CNTNAP2: variants seen among roughly 807,000 people sequenced by gnomAD.
The protein encoded by CNTNAP2 is contactin-associated protein-like 2.
A neutral mutation model predicts 155.2 loss-of-function variants in CNTNAP2; 98 were observed. That is an observed-to-expected ratio of 0.63 (90% CI 0.54 to 0.75). The LOEUF is 0.75. CNTNAP2 is among the 30% of genes least tolerant of loss of function. The probability of loss-of-function intolerance (pLI) is 0.00; values close to 1 mark genes in which losing one functional copy is unlikely to be tolerated. For missense variants in CNTNAP2, 1,727 were observed against 1,688.1 expected, an observed-to-expected ratio of 1.02 and a Z score of -0.40; for synonymous variants, 651 against 631.2, an observed-to-expected ratio of 1.03 and a Z score of -0.47.
intron 13 of CNTNAP2, among the ~76,000 whole-genome samples, chr7:147,754,907 C>T (rs1467722406): frequency 4.6e-5 from 7 of 152,074 alleles, no homozygotes; most frequent in Middle Eastern, 3.4e-3. Context: ...TAGAAATTTT[C>T]GTAATAAAAA....
chr7:146,757,450 C>T (rs146656791), intron 1 of CNTNAP2, among the ~76,000 whole-genome samples: 319 of 152,192 alleles, frequency 2.1e-3, no homozygotes, highest in African/African-American at 7.1e-3. Context: ...ATTAAGTAAG[C>T]ACTTTTTTGA....
At chr7:147,910,845 A>G (rs1800051944) in intron 14 of CNTNAP2, among the ~76,000 whole-genome samples, 1 of 152,158 alleles carries the variant, frequency 6.6e-6, no homozygotes, top group African/African-American at 2.4e-5. Context: ...TCTGGGTGAG[A>G]TTTGGGTGGG....
chr7:147,998,826 GGGGA>G (rs1290715908), intron 15 of CNTNAP2, among the ~76,000 whole-genome samples: 1 of 152,138 alleles, frequency 6.6e-6, no homozygotes, highest in Non-Finnish European at 1.5e-5. Flanking sequence ...TGTAGACAGT[GGGGA>G]GTTTGTTAGC....
At chr7:148,155,894 C>A (rs989534669) in intron 17 of CNTNAP2, among the ~76,000 whole-genome samples, 1 of 152,102 alleles carries the variant, frequency 6.6e-6, no homozygotes, top group Non-Finnish European at 1.5e-5. Flanking sequence ...TGGAAAGGTG[C>A]GGTGACACTG....
intron 15 of CNTNAP2, chr7:148,014,012 G>A (rs181509482): frequency 2.0e-5 from 3 of 152,176 alleles, no homozygotes; most frequent in Admixed American, 2.0e-4. Flanking sequence ...TAATAATGCA[G>A]CATTCCCAAA....
At chr7:147,471,770 C>T (rs1402579644) in intron 10 of CNTNAP2, among the ~76,000 whole-genome samples, 1 of 152,138 alleles carries the variant, frequency 6.6e-6, no homozygotes, top group Non-Finnish European at 1.5e-5. Context: ...GTTCCCTACT[C>T]TCATGGAAAT....
intron 1 of CNTNAP2, among the ~76,000 whole-genome samples, chr7:146,322,597 T>C (rs1345518276): frequency 1.4e-5 from 2 of 144,124 alleles, no homozygotes; most frequent in Non-Finnish European, 3.0e-5. Context: ...GGACTTTTTT[T>C]CTCCTGTGAA....
intron 9 of CNTNAP2, among the ~76,000 whole-genome samples, chr7:147,314,390 ATCTT>A (rs1795188002): frequency 6.6e-6 from 1 of 152,096 alleles, no homozygotes; most frequent in African/African-American, 2.4e-5. Flanking sequence ...TGACATCTAG[ATCTT>A]TCTATCTCAT....
At chr7:148,230,699 C>T (rs762023885) in intron 20 of CNTNAP2, among the ~76,000 whole-genome samples, 24 of 152,178 alleles carry the variant, frequency 1.6e-4, no homozygotes, top group East Asian at 3.9e-4. Flanking sequence ...ATGGAGTTTG[C>T]GCGTGGCCTT....
At chr7:146,161,059 A>G (rs1584779685) in intron 1 of CNTNAP2, among the ~76,000 whole-genome samples, 1 of 152,224 alleles carries the variant, frequency 6.6e-6, no homozygotes, top group East Asian at 1.9e-4. Flanking sequence ...TACACAAATC[A>G]ATAAACATAA....
chr7:147,424,980 G>A (rs1246017278), intron 10 of CNTNAP2, among the ~76,000 whole-genome samples: 1 of 152,042 alleles, frequency 6.6e-6, no homozygotes, highest in East Asian at 1.9e-4. Context: ...CTGTTGGATG[G>A]ACTGCTGCAA....
chr7:148,018,175 C>T (rs1349289758), intron 15 of CNTNAP2, among the ~76,000 whole-genome samples: 1 of 152,204 alleles, frequency 6.6e-6, no homozygotes, highest in African/African-American at 2.4e-5. Flanking sequence ...AATTTCACAT[C>T]TAACCTCTGT....
intron 10 of CNTNAP2, among the ~76,000 whole-genome samples, chr7:147,478,325 G>A (rs925362725): frequency 6.6e-6 from 1 of 151,878 alleles, no homozygotes; most frequent in Admixed American, 6.6e-5. Context: ...GCTAATTTTT[G>A]TATTTTTATT....
At chr7:146,540,272 T>A (rs1206945884) in intron 1 of CNTNAP2, among the ~76,000 whole-genome samples, 1 of 152,116 alleles carries the variant, frequency 6.6e-6, no homozygotes, top group Non-Finnish European at 1.5e-5. Flanking sequence ...TCCGTTTCAA[T>A]GTTCTGTTGA....
intron 1 of CNTNAP2, among the ~76,000 whole-genome samples, chr7:146,508,991 G>A (rs764189670): frequency 3.3e-5 from 5 of 152,178 alleles, no homozygotes; most frequent in African/African-American, 4.8e-5. Context: ...TGCCATGGCA[G>A]TAGTCACCTC....
At chr7:147,148,129 G>T (rs1000070007) in intron 8 of CNTNAP2, among the ~76,000 whole-genome samples, 2 of 152,000 alleles carry the variant, frequency 1.3e-5, no homozygotes, top group South Asian at 4.1e-4. Context: ...GGTGGCTCAC[G>T]CCTGTAATCC....
At chr7:147,230,304 C>T (rs1584806752) in intron 8 of CNTNAP2, among the ~76,000 whole-genome samples, 5 of 152,124 alleles carry the variant, frequency 3.3e-5, no homozygotes, top group Middle Eastern at 6.8e-3. Context: ...TGTCACCAGG[C>T]TGGAGTAGAG....
intron 1 of CNTNAP2, among the ~76,000 whole-genome samples, chr7:146,409,440 G>A (rs1482021438): frequency 6.6e-6 from 1 of 152,146 alleles, no homozygotes; most frequent in African/African-American, 2.4e-5. Flanking sequence ...AGTTGGAAAT[G>A]TTTATCCATA....
At chr7:146,906,381 T>A (rs1306410447) in intron 3 of CNTNAP2, among the ~76,000 whole-genome samples, 1 of 152,040 alleles carries the variant, frequency 6.6e-6, no homozygotes, top group Non-Finnish European at 1.5e-5. Flanking sequence ...AGCAGTAACC[T>A]CTGCAGACTT....
Sources: gnomAD v4.1 joint callset for allele counts (sites outside exome capture counted in the v4.1 genomes callset) on GRCh38, gnomAD v4.1.1 for gene constraint, MANE v1.5 for transcripts, NCBI Gene and HGNC (gene_info 2026-07-23, HGNC 2026-07-21) for gene names.